Variants in SSH2 observed in about 807,000 individuals in gnomAD.
SSH2 encodes the protein protein phosphatase Slingshot homolog 2.
In SSH2, 37 loss-of-function variants were observed where a neutral mutation model predicts 135.2. That is an observed-to-expected ratio of 0.27 (90% CI 0.21 to 0.36). The LOEUF (loss-of-function observed/expected upper bound fraction) is 0.36, where lower values mean the gene tolerates loss of function less well. Ranked by LOEUF, SSH2 falls within the 10% of genes least tolerant of loss-of-function variation. The pLI, the probability that SSH2 is intolerant of heterozygous loss-of-function variation, is 1.00. For synonymous variants in SSH2, 628 were observed against 646.2 expected, an observed-to-expected ratio of 0.97 and a Z score of 0.43; for missense variants, 1,408 against 1,765.3, an observed-to-expected ratio of 0.80 and a Z score of 3.63.
At chr17:29,913,472 A>T (rs1435185711) in intron 1 of SSH2, among the ~76,000 whole-genome samples, 1 of 141,352 alleles carries the variant, frequency 7.1e-6, no homozygotes, top group East Asian at 2.1e-4. Context: ...TCTGACCTTT[A>T]TTCTTGGAGC....
rs540790620 is a variant in SSH2, at chr17:29,782,308, C to T, written c.188+11586G>A. 5.6e-4 allele frequency among the ~76,000 whole-genome samples: 86 copies of T among 152,326 alleles called. No homozygotes were observed. In the Middle Eastern group the frequency reaches 0.01, roughly 18 times the overall value. ...CAATATTCTTCTATTCCTGTTCATT[C>T]ACTAAGCATTTACTGAGTGCCAACT... is the stretch of plus-strand genomic sequence containing the variant. On this transcript the variant is annotated intron_variant, in intron 3 of 15. Transcript: ENST00000540801.
intron 4 of SSH2, among the ~76,000 whole-genome samples, chr17:29,696,886 G>T (rs560811672): frequency 6.6e-6 from 1 of 151,538 alleles, no homozygotes; most frequent in African/African-American, 2.4e-5. Flanking sequence ...GGGTTTCACC[G>T]TGTTAGCCAG....
intron 1 of SSH2, among the ~76,000 whole-genome samples, chr17:29,869,615 T>A (rs2065907381): frequency 6.6e-6 from 1 of 152,178 alleles, no homozygotes; most frequent in Non-Finnish European, 1.5e-5. Context: ...ATCGGGGAAC[T>A]GCCAAGTCAT....
At chr17:29,650,541 A>C in intron 13 of SSH2, 113 bp downstream of exon 13, 2 of 1,006,152 alleles carry the variant, frequency 2.0e-6, no homozygotes, top group South Asian at 2.2e-5. Flanking sequence ...TCCTTTCCTT[A>C]GTTCCTTTTT....
intron 3 of SSH2, chr17:29,707,230 TTAAAG>T (rs2039243244): frequency 6.6e-6 from 1 of 151,828 alleles, no homozygotes; most frequent in Non-Finnish European, 1.5e-5. Context: ...TGCTTATGCT[TTAAAG>T]TATATGTAAG....
intron 11 of SSH2, among the ~76,000 whole-genome samples, chr17:29,656,096 G>A (rs2036767871): frequency 6.6e-6 from 1 of 152,192 alleles, no homozygotes; most frequent in African/African-American, 2.4e-5. Context: ...CACCTGGCAG[G>A]TGCTCAATAA....
At chr17:29,724,540 A>AC (rs1035217723) in intron 3 of SSH2, among the ~76,000 whole-genome samples, 1 of 149,832 alleles carries the variant, frequency 6.7e-6, no homozygotes, top group African/African-American at 2.4e-5. Flanking sequence ...AAAAAAAAAA[A>AC]AAAAAACAAA....
intron 1 of SSH2, among the ~76,000 whole-genome samples, chr17:29,905,210 A>T (rs1425137176): frequency 6.6e-6 from 1 of 152,190 alleles, no homozygotes. Context: ...AAAAGAACAA[A>T]GCTGAGGCAT....
intron 1 of SSH2, among the ~76,000 whole-genome samples, chr17:29,884,428 T>A (rs1247195866): frequency 6.6e-6 from 1 of 152,176 alleles, no homozygotes; most frequent in Non-Finnish European, 1.5e-5. Flanking sequence ...CAGGGTTCTG[T>A]CCTTGGCATC....
intron 6 of SSH2, among the ~76,000 whole-genome samples, chr17:29,682,450 A>C (rs1049237148): frequency 6.6e-6 from 1 of 152,212 alleles, no homozygotes; most frequent in African/African-American, 2.4e-5. Context: ...GACTAGTTAG[A>C]ACTGAGGAAT....
intron 1 of SSH2, among the ~76,000 whole-genome samples, chr17:29,870,181 T>C (rs1343724227): frequency 6.6e-6 from 1 of 152,000 alleles, no homozygotes; most frequent in African/African-American, 2.4e-5. Flanking sequence ...GTTAAATACA[T>C]TATGGTGTAT....
At chr17:29,903,785 T>G (rs899859748) in intron 1 of SSH2, among the ~76,000 whole-genome samples, 4 of 152,216 alleles carry the variant, frequency 2.6e-5, no homozygotes, top group Admixed American at 6.5e-5. Context: ...TTTTTGGCTA[T>G]TTCCAAAAAT....
chr17:29,802,649 A>G (rs939155180), intron 2 of SSH2, among the ~76,000 whole-genome samples: 6 of 151,722 alleles, frequency 4.0e-5, no homozygotes, highest in Non-Finnish European at 5.9e-5. Flanking sequence ...GAAAAGAAAA[A>G]AAAAGTAAGT....
chr17:29,728,566 A>C (rs1001721017), intron 3 of SSH2, among the ~76,000 whole-genome samples: 14 of 152,240 alleles, frequency 9.2e-5, no homozygotes, highest in African/African-American at 1.9e-4. Context: ...TTTACATGGA[A>C]CCACAACATA....
intron 6 of SSH2, 59 bp downstream of exon 6, chr17:29,684,504 G>T: frequency 1.1e-5 from 12 of 1,061,566 alleles, no homozygotes; most frequent in Non-Finnish European, 1.5e-5. Context: ...AAAAAAAAAA[G>T]CAACTGGAAC....
At chr17:29,690,504 AC>A (rs1234634986) in intron 5 of SSH2, among the ~76,000 whole-genome samples, 2 of 151,954 alleles carry the variant, frequency 1.3e-5, no homozygotes, top group East Asian at 3.9e-4. Context: ...GAAATTAATT[AC>A]CCCCAGTAAA....
chr17:29,870,754 T>C (rs1046746456), intron 1 of SSH2, among the ~76,000 whole-genome samples: 2 of 152,222 alleles, frequency 1.3e-5, no homozygotes, highest in Admixed American at 6.5e-5. Context: ...GACACTGATT[T>C]AGCAAATTTC....
rs980721677 is a variant in SSH2, at chr17:29,630,861, G to A, written c.4333C>T (p.Pro1445Ser). The stretch of plus-strand genomic sequence containing the variant: ...CAGAATCACATGGTATTATAGAAGG[G>A]GTTGGTTGTCCGTTTTTTGTCATTT... The part of the protein sequence containing the change: ...KANDKKRTTN[P>S]FYNTM Residue 1445 changes from proline to serine, a missense_variant, in exon 16 of 16, where the codon CCC (proline) becomes TCC (serine). Transcript: ENST00000540801. The A allele has an allele frequency of 6.4e-7, 1 of 1,560,224 alleles. No individual in the cohort carries two copies. Among genetic ancestry groups the A allele is most frequent in the African/African-American group, 1.4e-5 (1 of 73,332 alleles).
At chr17:29,665,951 T>C (rs1567857423) in intron 11 of SSH2, among the ~76,000 whole-genome samples, 1 of 152,240 alleles carries the variant, frequency 6.6e-6, no homozygotes, top group Non-Finnish European at 1.5e-5. Context: ...CAGTAGTCTC[T>C]TGTCTCTCAG....
Sources: gnomAD v4.1 joint callset for allele counts (sites outside exome capture counted in the v4.1 genomes callset) on GRCh38, gnomAD v4.1.1 for gene constraint, MANE v1.5 for transcripts, NCBI Gene and HGNC (gene_info 2026-07-23, HGNC 2026-07-21) for gene names.